Variants in GLIS1 observed in about 807,000 individuals in gnomAD.
GLIS1 encodes the protein zinc finger protein GLIS1.
GLIS1 carries 24 observed loss-of-function variants against 63.8 expected under a neutral mutation model. The ratio of observed to expected loss-of-function variants is 0.38; its 90% confidence interval spans 0.27 to 0.53. GLIS1 has a LOEUF of 0.53. Among genes scored for constraint, GLIS1 ranks in the 20% least tolerant of loss-of-function variants. The pLI is 0.85. For missense variants in GLIS1, 1,036 were observed against 1,074.1 expected (o/e 0.96, Z 0.50); for synonymous variants, 450 against 482.5 (o/e 0.93, Z 0.88).
At chr1:53,653,127 G>C (rs1415844788) in intron 2 of GLIS1, among the ~76,000 whole-genome samples, 3 of 152,190 alleles carry the variant, frequency 2.0e-5, no homozygotes, top group Non-Finnish European at 4.4e-5. Context: ...GGTCGGACTG[G>C]GTAAGTGCAG....
chr1:53,690,044 A>G (rs1646385204), intron 2 of GLIS1, among the ~76,000 whole-genome samples: 1 of 152,176 alleles, frequency 6.6e-6, no homozygotes, highest in South Asian at 2.1e-4. Context: ...CCTGAGTCAC[A>G]CTGTGTGGTC....
At chr1:53,689,736 T>G (rs1265191041) in intron 2 of GLIS1, among the ~76,000 whole-genome samples, 12 of 152,144 alleles carry the variant, frequency 7.9e-5, no homozygotes, top group African/African-American at 2.9e-4. Context: ...ACCTCCCCTG[T>G]CCAGGAGCAT....
intron 3 of GLIS1, 93 bp from the exon 4 acceptor site, chr1:53,595,083 G>A: frequency 5.1e-6 from 6 of 1,172,182 alleles, no homozygotes; most frequent in Non-Finnish European, 5.6e-6. Flanking sequence ...GAGGATCAAG[G>A]GATGGACAAG....
chr1:53,604,033 A>C (rs1373829642), intron 2 of GLIS1, among the ~76,000 whole-genome samples: 1 of 152,240 alleles, frequency 6.6e-6, no homozygotes, highest in Non-Finnish European at 1.5e-5. Context: ...CAATGTTCTT[A>C]TCTGTAAAAT....
At chr1:53,543,509 T>C (rs549472229) in intron 4 of GLIS1, among the ~76,000 whole-genome samples, 1 of 152,062 alleles carries the variant, frequency 6.6e-6, no homozygotes, top group Non-Finnish European at 1.5e-5. Context: ...GGCTGTCTGA[T>C]AGCAAACCCC....
intron 2 of GLIS1, among the ~76,000 whole-genome samples, chr1:53,732,564 G>C (rs1416798423): frequency 6.6e-6 from 1 of 151,780 alleles, no homozygotes; most frequent in Non-Finnish European, 1.5e-5. Flanking sequence ...TTAGCACAGT[G>C]AAGGCGAGCA....
At chr1:53,688,227 G>T (rs1020352897) in intron 2 of GLIS1, among the ~76,000 whole-genome samples, 1 of 152,218 alleles carries the variant, frequency 6.6e-6, no homozygotes, top group East Asian at 1.9e-4. Context: ...CGGGCTCATC[G>T]CTCCCTCCTG....
intron 4 of GLIS1, among the ~76,000 whole-genome samples, chr1:53,576,586 C>T (rs1307662645): frequency 6.6e-6 from 1 of 152,152 alleles, no homozygotes; most frequent in African/African-American, 2.4e-5. Flanking sequence ...AGCTCAGATG[C>T]CTCTCCCTGT....
intron 4 of GLIS1, among the ~76,000 whole-genome samples, chr1:53,581,166 C>T (rs1046702325): frequency 2.0e-5 from 3 of 152,154 alleles, no homozygotes; most frequent in East Asian, 1.9e-4. Flanking sequence ...CTGATAATGC[C>T]GATGAAGAAG....
chr1:53,549,949 G>A (rs1569806468), intron 4 of GLIS1, among the ~76,000 whole-genome samples: 1 of 152,160 alleles, frequency 6.6e-6, no homozygotes, highest in South Asian at 2.1e-4. Flanking sequence ...GGAAGGTCAC[G>A]CCCACCCTTG....
intron 2 of GLIS1, among the ~76,000 whole-genome samples, chr1:53,729,403 A>G (rs1043400398): frequency 2.6e-5 from 4 of 152,166 alleles, no homozygotes; most frequent in Admixed American, 6.5e-5. Flanking sequence ...ATTTGGCCTC[A>G]GCGTGGGATT....
At chr1:53,596,963 T>A (rs1202814993) in intron 3 of GLIS1, among the ~76,000 whole-genome samples, 2 of 151,740 alleles carry the variant, frequency 1.3e-5, no homozygotes, top group African/African-American at 2.4e-5. Context: ...GAAGACCAGG[T>A]CCCTGACCTT....
At position 53,604,901 on chromosome 1, in the gene GLIS1, A is replaced by T. The variant is rs558189183; in HGVS notation, c.260-4623T>A. Among the ~76,000 whole-genome samples, 12 of 147,186 alleles carry T rather than the reference A, an allele frequency of 8.2e-5. No individual in the cohort carries two copies. The South Asian group carries it at 8.9e-4, about 11-fold the overall frequency. On this transcript the variant is annotated intron_variant, in intron 2 of 10. Coordinates refer to ENST00000628545, the MANE Select transcript of GLIS1 (RefSeq NM_001367484.1). ...CAACTCTGCCCTTGTACCATTAAAA[A>T]ATATATATATATGTGTGTGTGTGTG...
intron 2 of GLIS1, among the ~76,000 whole-genome samples, chr1:53,661,419 T>C (rs1646027039): frequency 6.6e-6 from 1 of 152,190 alleles, no homozygotes. Flanking sequence ...GGCTTTGTCC[T>C]GGAACAAGAT....
At chr1:53,561,685 T>A (rs1180260664) in intron 4 of GLIS1, among the ~76,000 whole-genome samples, 1 of 152,192 alleles carries the variant, frequency 6.6e-6, no homozygotes, top group Non-Finnish European at 1.5e-5. Context: ...GCTCAGAACA[T>A]GCTGGGTTTG....
chr1:53,529,470 C>T (rs1045359636), intron 5 of GLIS1, among the ~76,000 whole-genome samples: 9 of 152,232 alleles, frequency 5.9e-5, no homozygotes, highest in African/African-American at 2.2e-4. Context: ...GGTGCCCAGG[C>T]TGGTACCCAC....
chr1:53,552,290 C>T lies in GLIS1; in HGVS notation c.1321-22338G>A, dbSNP rs533286737. Among the ~76,000 whole-genome samples the T allele has an allele frequency of 1.4e-4, 22 of 152,116 alleles. No homozygotes were observed. The South Asian group carries it at 4.2e-3, about 29-fold the overall frequency. The stretch of plus-strand genomic sequence containing the variant: ...GTGTCCCGGTAGGAGGGGGACCAGG[C>T]GGGTCCCTGAGAGCCCTCACAAGGC... On this transcript the variant is annotated intron_variant, in intron 4 of 10. Coordinates refer to ENST00000628545, the MANE Select transcript of GLIS1 (RefSeq NM_001367484.1).
chr1:53,604,914 G>A (rs1025520107), intron 2 of GLIS1, among the ~76,000 whole-genome samples: 30 of 34,978 alleles, frequency 8.6e-4, no homozygotes, highest in Non-Finnish European at 3.5e-3. Context: ...ATATATATAT[G>A]TGTGTGTGTG....
At chr1:53,660,728 C>G (rs1294052866) in intron 2 of GLIS1, among the ~76,000 whole-genome samples, 1 of 152,196 alleles carries the variant, frequency 6.6e-6, no homozygotes, top group Non-Finnish European at 1.5e-5. Flanking sequence ...CCTAGACCTT[C>G]TCCCTCTCAG....
Sources: allele counts gnomAD v4.1 joint callset (sites outside exome capture counted in the v4.1 genomes callset), GRCh38; gene constraint gnomAD v4.1.1; transcripts MANE v1.5; gene names NCBI Gene and HGNC (gene_info 2026-07-23, HGNC 2026-07-21).